Variants in AK9 observed in about 807,000 individuals in gnomAD.
The protein encoded by AK9 is adenylate kinase 9.
AK9 carries 191 observed loss-of-function variants against 239.6 expected under a neutral mutation model. The observed-to-expected ratio is 0.80, with a 90% CI of 0.71 to 0.90. The LOEUF is 0.90. AK9 is among the 40% of genes least tolerant of loss of function. The pLI is 0.00. For synonymous variants in AK9, 689 were observed against 721.0 expected (o/e 0.96, Z 0.71); for missense variants, 1,995 against 2,214.7 (o/e 0.90, Z 1.99).
At chr6:109,600,931 T>A (rs1791861568) in intron 17 of AK9, among the ~76,000 whole-genome samples, 1 of 152,234 alleles carries the variant, frequency 6.6e-6, no homozygotes, top group Non-Finnish European at 1.5e-5. Flanking sequence ...GATATCCCCT[T>A]TATCATTTTT....
In AK9 at chr6:109,675,670, A is replaced by G; in HGVS notation, c.76T>C (p.Leu26=). The G allele has an allele frequency of 6.3e-7, 1 of 1,598,074 alleles. No individual in the cohort carries two copies. Among genetic ancestry groups the G allele is most frequent in the Non-Finnish European group, 8.5e-7 (1 of 1,173,356 alleles). Residue 26 remains leucine (L), a synonymous_variant, in exon 2 of 41, where the codon TTG becomes CTG. Coordinates refer to ENST00000424296, the MANE Select transcript of AK9 (RefSeq NM_001145128.3). ...ACAAAGCAAACAGGTTTGGACAACA[A>G]AAAATTCCTTTCAGTTTCATCTTCA... ...FDEDETERNF[L]LSKPVCFVVF... is the part of the protein sequence containing the mutation.
At position 109,511,778 on chromosome 6, in the gene AK9, G is replaced by GT. The variant is rs553859733; in HGVS notation, c.4280-2399dup. On this transcript the variant is annotated intron_variant, in intron 32 of 40. Coordinates refer to ENST00000424296, the MANE Select transcript of AK9 (RefSeq NM_001145128.3). ...TTGCACAAATGCTGGAACGAAATCT[G>GT]TTTTTTTTAAAGTTCTAACAATAAT... Among the ~76,000 whole-genome samples the GT allele has an allele frequency of 2.8e-3, 427 of 151,934 alleles. 3 individuals carry two copies. The highest frequency in any genetic ancestry group is 6.8e-3 in the Middle Eastern group (2 of 294).
At chr6:109,620,535 T>C (rs1226509291) in intron 12 of AK9, among the ~76,000 whole-genome samples, 1 of 152,116 alleles carries the variant, frequency 6.6e-6, no homozygotes, top group Non-Finnish European at 1.5e-5. Flanking sequence ...ATAGATTTAA[T>C]ACAGAATATT....
intron 40 of AK9, 59 bp downstream of exon 40, chr6:109,493,922 C>T (rs1394563390): frequency 6.9e-6 from 9 of 1,303,108 alleles, no homozygotes; most frequent in Non-Finnish European, 9.8e-6. Flanking sequence ...CTATTCATCA[C>T]TTATACTACC....
At chr6:109,563,566 A>G (rs1465291327) in intron 24 of AK9, 31 bp downstream of exon 24, 2 of 1,546,710 alleles carry the variant, frequency 1.3e-6, no homozygotes, top group African/African-American at 1.4e-5. Context: ...GACTTCACAA[A>G]TGAGAATGAG....
chr6:109,652,339 C>T (rs903320868), intron 8 of AK9, among the ~76,000 whole-genome samples: 1 of 143,184 alleles, frequency 7.0e-6, no homozygotes, highest in Non-Finnish European at 1.6e-5. Flanking sequence ...AAAAGGCCTT[C>T]AAAAAAATTC....
chr6:109,509,166 C>T lies in AK9; in HGVS notation c.4481+13G>A, dbSNP rs1778422525. ...AACTCCCTCTGTCCCATCCTCTCAC[C>T]CCATTCACTTACCCTGCAGTATTGC... is the stretch of plus-strand genomic sequence containing the variant. On this transcript the variant is annotated intron_variant, in intron 33 of 40. Coordinates refer to ENST00000424296, the MANE Select transcript of AK9 (RefSeq NM_001145128.3). The T allele has an allele frequency of 6.4e-7, 1 of 1,550,812 alleles. No individual in the cohort carries two copies. The highest frequency in any genetic ancestry group is 8.7e-7 in the Non-Finnish European group (1 of 1,146,152).
At position 109,563,720 on chromosome 6, in the gene AK9, A is replaced by C; in HGVS notation, c.2636-8T>G. ...CAGTATATTGAAATGGTTCTGGAGAAAAAGAGAATCATTGGGGAAAATATT... is the reference window on the plus strand; with the variant it reads ...CAGTATATTGAAATGGTTCTGGAGACAAAGAGAATCATTGGGGAAAATATT... On this transcript the variant is annotated splice_polypyrimidine_tract_variant and splice_region_variant and intron_variant, in intron 23 of 40. Transcript: ENST00000424296. The C allele has an allele frequency of 6.5e-7, 1 of 1,544,866 alleles. No homozygotes were observed. Among genetic ancestry groups the C allele is most frequent in the Non-Finnish European group, 8.7e-7 (1 of 1,144,082 alleles).
chr6:109,510,495 T>A (rs1177851460), intron 32 of AK9, among the ~76,000 whole-genome samples: 1 of 151,898 alleles, frequency 6.6e-6, no homozygotes. Context: ...TGCCAGCAGA[T>A]AGGAGCCACC....
intron 21 of AK9, among the ~76,000 whole-genome samples, chr6:109,569,906 T>A (rs1017669857): frequency 6.6e-6 from 1 of 152,152 alleles, no homozygotes; most frequent in African/African-American, 2.4e-5. Flanking sequence ...GAAATACCAT[T>A]TGACCCAGCC....
At chr6:109,564,397 C>T (rs916845419) in intron 22 of AK9, 117 bp from the exon 23 acceptor site, 6 of 711,736 alleles carry the variant, frequency 8.4e-6, no homozygotes, top group Non-Finnish European at 2.2e-6. Flanking sequence ...AAATAATATT[C>T]TAAGCAACAA....
intron 21 of AK9, among the ~76,000 whole-genome samples, chr6:109,567,847 C>A (rs1202749718): frequency 6.9e-6 from 1 of 145,220 alleles, no homozygotes; most frequent in Non-Finnish European, 1.5e-5. Flanking sequence ...CAAACCTGCA[C>A]ATTGTGCACA....
chr6:109,573,767 G>A (rs2128197081), intron 20 of AK9, among the ~76,000 whole-genome samples, 173 bp from the exon 21 acceptor site: 1 of 152,302 alleles, frequency 6.6e-6, no homozygotes, highest in South Asian at 2.1e-4. Flanking sequence ...CTATTCACAT[G>A]TAGTGGTAAA....
intron 9 of AK9, chr6:109,644,374 T>C (rs901350447): frequency 2.4e-5 from 9 of 369,876 alleles, no homozygotes; most frequent in Non-Finnish European, 3.8e-5. Flanking sequence ...TTGGTTACCA[T>C]TGCTTTTACT....
chr6:109,554,984 G>A (rs772948123), intron 24 of AK9, among the ~76,000 whole-genome samples: 21 of 151,932 alleles, frequency 1.4e-4, no homozygotes, highest in Non-Finnish European at 2.8e-4. Flanking sequence ...TTGGTATTTC[G>A]GAAGGTTCTT....
At chr6:109,641,704 ATGCTCCC>A in intron 9 of AK9, 88 bp from the exon 10 acceptor site, 1 of 1,063,974 alleles carries the variant, frequency 9.4e-7, no homozygotes, top group Admixed American at 2.1e-5. Context: ...AGCCAAGACC[ATGCTCCC>A]CCTGACTCTG....
chr6:109,592,692 C>A (rs553139871), intron 17 of AK9, among the ~76,000 whole-genome samples: 4 of 152,016 alleles, frequency 2.6e-5, no homozygotes, highest in African/African-American at 9.7e-5. Context: ...ATGATCCGCC[C>A]GCCTCGGCCT....
chr6:109,617,688 A>G (rs193207348), intron 13 of AK9, among the ~76,000 whole-genome samples: 9 of 152,338 alleles, frequency 5.9e-5, no homozygotes, highest in African/African-American at 2.2e-4. Flanking sequence ...TTATTTTAAA[A>G]TCAGTGAATG....
At chr6:109,606,141 T>C (rs1792847020) in intron 17 of AK9, among the ~76,000 whole-genome samples, 1 of 152,178 alleles carries the variant, frequency 6.6e-6, no homozygotes, top group African/African-American at 2.4e-5. Flanking sequence ...CATTCTTCTA[T>C]CCTCCTGTGA....
Sources: allele counts gnomAD v4.1 joint callset (sites outside exome capture counted in the v4.1 genomes callset), GRCh38; gene constraint gnomAD v4.1.1; transcripts MANE v1.5; gene names NCBI Gene and HGNC (gene_info 2026-07-23, HGNC 2026-07-21).